JAM2: variants seen among roughly 807,000 people sequenced by gnomAD.
JAM2 encodes junctional adhesion molecule B.
JAM2 carries 17 observed loss-of-function variants against 42.0 expected under a neutral mutation model. That is an observed-to-expected ratio of 0.40 (90% CI 0.28 to 0.61). The LOEUF is 0.61. Ranked by LOEUF, JAM2 falls within the 20% of genes least tolerant of loss-of-function variation. The probability of loss-of-function intolerance (pLI) is 0.37; values close to 1 mark genes in which losing one functional copy is unlikely to be tolerated. For missense variants in JAM2, 319 were observed against 358.3 expected (o/e 0.89, Z 0.89); for synonymous variants, 118 against 128.6 (o/e 0.92, Z 0.56).
intron 2 of JAM2, among the ~76,000 whole-genome samples, chr21:25,685,735 C>A (rs934025740): frequency 3.9e-5 from 6 of 152,056 alleles, no homozygotes; most frequent in African/African-American, 1.4e-4. Flanking sequence ...GACTATGGAG[C>A]ACCTCCAGGA....
chr21:25,661,096 C>A (rs1460985772), intron 1 of JAM2, among the ~76,000 whole-genome samples: 1 of 151,856 alleles, frequency 6.6e-6, no homozygotes, highest in Non-Finnish European at 1.5e-5. Context: ...TGGCCAATAA[C>A]CCTATTCTTA....
chr21:25,708,095 A>G (rs1336261320), intron 7 of JAM2, among the ~76,000 whole-genome samples: 1 of 152,086 alleles, frequency 6.6e-6, no homozygotes, highest in African/African-American at 2.4e-5. Context: ...GAATCTTCCC[A>G]TCCCAACCTC....
chr21:25,644,692 G>A (rs1041991177), intron 1 of JAM2, among the ~76,000 whole-genome samples: 8 of 152,204 alleles, frequency 5.3e-5, no homozygotes, highest in African/African-American at 1.9e-4. Flanking sequence ...GGAGTAGGAT[G>A]TGGACATCTT....
intron 1 of JAM2, among the ~76,000 whole-genome samples, chr21:25,682,253 G>C (rs2033650857): frequency 6.6e-6 from 1 of 152,126 alleles, no homozygotes; most frequent in South Asian, 2.1e-4. Flanking sequence ...ATTTTTAAAC[G>C]TGGTCATTAC....
intron 2 of JAM2, among the ~76,000 whole-genome samples, chr21:25,688,641 C>T (rs1368321945): frequency 1.3e-5 from 2 of 152,180 alleles, no homozygotes; most frequent in African/African-American, 4.8e-5. Context: ...TTGAAAACAA[C>T]TTTTGGTTCT....
At chr21:25,692,006 CAA>C (rs71327958) in intron 3 of JAM2, among the ~76,000 whole-genome samples, 5 of 140,572 alleles carry the variant, frequency 3.6e-5, no homozygotes, top group East Asian at 2.1e-4. Flanking sequence ...AAGACTGTCT[CAA>C]AAAAAAAAAA....
chr21:25,693,884 G>A lies in JAM2; in HGVS notation c.370G>A (p.Asp124Asn). 1 of 1,614,190 alleles carries A rather than the reference G, an allele frequency of 6.2e-7. No homozygotes were observed. Among genetic ancestry groups the A allele is most frequent in the Non-Finnish European group, 8.5e-7 (1 of 1,180,020 alleles). ...TGAGCAAGGCCAAAACCTGGAAGAG[G>A]ATACAGTCACTCTGGAAGTATTAGG... ...PSEQGQNLEE[D>N]TVTLEVLVAP... The change falls in exon 4 of 10, where the codon GAT (aspartate) becomes AAT (asparagine). Residue 124 changes from aspartate (D) to asparagine (N), a missense_variant. Coordinates refer to ENST00000480456, the MANE Select transcript of JAM2 (RefSeq NM_021219.4).
chr21:25,696,156 C>T (rs1046624826), intron 4 of JAM2, among the ~76,000 whole-genome samples: 5 of 152,210 alleles, frequency 3.3e-5, no homozygotes, highest in Admixed American at 3.3e-4. Flanking sequence ...GAGGCCGAGG[C>T]TGGCAGATCA....
At chr21:25,680,268 C>T (rs912528101) in intron 1 of JAM2, among the ~76,000 whole-genome samples, 3 of 152,190 alleles carry the variant, frequency 2.0e-5, no homozygotes, top group African/African-American at 7.2e-5. Context: ...TGTGGAAAGG[C>T]AGAACATACC....
In JAM2 at chr21:25,639,477, G is replaced by A. The variant is rs1178170640; in HGVS notation, c.-345G>A. ...CCCGGAGGCGTGGGGGCGGAGGGAC[G>A]ACCCGCCGGGGCTTTCCCGGGCGCT... On this transcript the variant is annotated 5_prime_UTR_variant, in exon 1 of 10. Transcript: ENST00000480456. 14 of 222,434 alleles carry A rather than the reference G, an allele frequency of 6.3e-5. No individual in the cohort carries two copies. Among genetic ancestry groups the A allele is most frequent in the Non-Finnish European group, 8.7e-5 (10 of 114,400 alleles). 13.8% of individuals were successfully genotyped at this position (222,434 alleles called of 1,614,324 possible).
rs1457320319 is a variant in JAM2 at position 25,698,855 on chromosome 21, A to C, written c.573A>C (p.Thr191=). The stretch of plus-strand genomic sequence containing the variant: ...CCCAAAGCACCAACAGCTCATACAC[A>C]ATGAATACAAAAACTGGAACTCTGG... ...LGSQSTNSSY[T]MNTKTGTLQF... Residue 191 remains threonine (T), a synonymous_variant, in exon 5 of 10, where the codon ACA becomes ACC. Coordinates refer to ENST00000480456, the MANE Select transcript of JAM2 (RefSeq NM_021219.4). The C allele has an allele frequency of 6.2e-7, 1 of 1,614,150 alleles. No homozygotes were observed. Among genetic ancestry groups the C allele is most frequent in the African/African-American group, 1.3e-5 (1 of 75,048 alleles).
intron 4 of JAM2, among the ~76,000 whole-genome samples, chr21:25,696,073 G>A (rs1245671500): frequency 6.6e-6 from 1 of 152,190 alleles, no homozygotes; most frequent in African/African-American, 2.4e-5. Flanking sequence ...CCGAGATCAC[G>A]CCACTGCACT....
At chr21:25,690,836 C>CT (rs552686661) in intron 3 of JAM2, among the ~76,000 whole-genome samples, 1 of 151,864 alleles carries the variant, frequency 6.6e-6, no homozygotes, top group South Asian at 2.1e-4. Context: ...GCTTTCTTTT[C>CT]TTTTTTTTCT....
intron 9 of JAM2, 23 bp downstream of exon 9, chr21:25,712,405 T>C (rs572446300): frequency 2.0e-6 from 3 of 1,507,508 alleles, no homozygotes; most frequent in Non-Finnish European, 2.8e-6. Context: ...AAAGCATATT[T>C]ATAGAATGAA....
At chr21:25,682,147 T>G (rs1245738340) in intron 1 of JAM2, among the ~76,000 whole-genome samples, 1 of 152,242 alleles carries the variant, frequency 6.6e-6, no homozygotes, top group Non-Finnish European at 1.5e-5. Flanking sequence ...CTGTTCTGAG[T>G]GTTTGCGTTA....
intron 4 of JAM2, among the ~76,000 whole-genome samples, chr21:25,697,759 G>C (rs755737091): frequency 1.3e-5 from 2 of 152,120 alleles, no homozygotes; most frequent in Admixed American, 6.5e-5. Context: ...TTAAAAATTA[G>C]CTGGTCGTGG....
chr21:25,673,967 T>C (rs529731087), intron 1 of JAM2, among the ~76,000 whole-genome samples: 1 of 152,202 alleles, frequency 6.6e-6, no homozygotes, highest in African/African-American at 2.4e-5. Context: ...TATAAGGGGT[T>C]TCCCCTTTTG....
At chr21:25,682,030 A>T (rs2033645042) in intron 1 of JAM2, among the ~76,000 whole-genome samples, 1 of 152,226 alleles carries the variant, frequency 6.6e-6, no homozygotes, top group African/African-American at 2.4e-5. Context: ...CTTCCTTAGT[A>T]TCAGTTTGAT....
chr21:25,676,951 T>C (rs1360821748), intron 1 of JAM2, among the ~76,000 whole-genome samples: 4 of 152,200 alleles, frequency 2.6e-5, no homozygotes, highest in African/African-American at 9.6e-5. Flanking sequence ...ATTCAGAGCT[T>C]TCTGTTCAAA....
Sources: allele counts gnomAD v4.1 joint callset (sites outside exome capture counted in the v4.1 genomes callset), GRCh38; gene constraint gnomAD v4.1.1; transcripts MANE v1.5; gene names NCBI Gene and HGNC (gene_info 2026-07-23, HGNC 2026-07-21).